Variants in AFDN observed in about 807,000 individuals in gnomAD.
The protein encoded by AFDN is afadin.
Under a neutral mutation model 216.6 loss-of-function variants are expected in AFDN, and 68 were observed. That is an observed-to-expected ratio of 0.31 (90% CI 0.26 to 0.38). The LOEUF (loss-of-function observed/expected upper bound fraction) is 0.38. Among genes scored for constraint, AFDN ranks in the 10% least tolerant of loss-of-function variants. AFDN has a pLI of 1.00. For missense variants in AFDN, 2,136 were observed against 2,342.0 expected, an observed-to-expected ratio of 0.91 and a Z score of 1.82; for synonymous variants, 868 against 853.7, an observed-to-expected ratio of 1.02 and a Z score of -0.29.
intron 1 of AFDN, among the ~76,000 whole-genome samples, chr6:167,862,120 A>G (rs1159305509): frequency 6.6e-6 from 1 of 152,150 alleles, no homozygotes; most frequent in East Asian, 1.9e-4. Flanking sequence ...ATTTGTATAG[A>G]AATTTTTGTT....
chr6:167,919,014 A>G (rs926340767), intron 21 of AFDN, 81 bp downstream of exon 21: 13 of 1,259,448 alleles, frequency 1.0e-5, no homozygotes, highest in African/African-American at 1.5e-5. Context: ...CTCATAGGGT[A>G]GTCCACTTGT....
chr6:167,920,698 C>T (rs934411612), intron 21 of AFDN, among the ~76,000 whole-genome samples: 1 of 152,190 alleles, frequency 6.6e-6, no homozygotes, highest in Non-Finnish European at 1.5e-5. Context: ...AGCCTTACTT[C>T]TTCACCTTGA....
intron 3 of AFDN, among the ~76,000 whole-genome samples, chr6:167,871,903 C>A (rs1784840687): frequency 6.6e-6 from 1 of 152,124 alleles, no homozygotes; most frequent in African/African-American, 2.4e-5. Context: ...ATCATTTCTC[C>A]CCCAGTTTTC....
intron 1 of AFDN, among the ~76,000 whole-genome samples, chr6:167,834,495 G>A (rs1220990080): frequency 9.8e-6 from 1 of 102,208 alleles, no homozygotes; most frequent in Non-Finnish European, 1.8e-5. Flanking sequence ...GGTATAAAAC[G>A]TGATAGATGG....
intron 23 of AFDN, among the ~76,000 whole-genome samples, chr6:167,930,708 C>G (rs1231461909): frequency 6.6e-6 from 1 of 152,190 alleles, no homozygotes; most frequent in Admixed American, 6.5e-5. Flanking sequence ...CTGAGTAGTT[C>G]TGCTATCATG....
At chr6:167,850,926 A>G (rs995358951) in intron 1 of AFDN, among the ~76,000 whole-genome samples, 4 of 151,994 alleles carry the variant, frequency 2.6e-5, no homozygotes, top group African/African-American at 9.7e-5. Context: ...TGTTGCCCAT[A>G]GCTGGAGCCG....
chr6:167,911,686 C>T (rs1790416745), intron 15 of AFDN, 197 bp downstream of exon 15: 3 of 578,400 alleles, frequency 5.2e-6, no homozygotes, highest in Admixed American at 3.0e-5. Context: ...TTTGTTTTCC[C>T]TGTAAAACTT....
intron 1 of AFDN, among the ~76,000 whole-genome samples, chr6:167,851,490 A>G (rs992610873): frequency 6.6e-6 from 1 of 152,138 alleles, no homozygotes; most frequent in African/African-American, 2.4e-5. Flanking sequence ...CCACCTTTTC[A>G]ACTAGTTCTT....
intron 22 of AFDN, among the ~76,000 whole-genome samples, chr6:167,923,391 T>A (rs1255868249): frequency 6.6e-6 from 1 of 152,150 alleles, no homozygotes; most frequent in Non-Finnish European, 1.5e-5. Context: ...TCCCAAAATT[T>A]CCCAGTTTCA....
At chr6:167,954,842 A>T (rs1006541377) in intron 30 of AFDN, among the ~76,000 whole-genome samples, 1 of 152,196 alleles carries the variant, frequency 6.6e-6, no homozygotes, top group Non-Finnish European at 1.5e-5. Context: ...CATTAGACAT[A>T]GATTTTAAAT....
rs138071478 is a variant in AFDN, at chr6:167,843,078, C to A, written c.105+15841C>A. Reference sequence around the variant, plus strand: ...TGAATCCTGGAGTTTCAGTAGGAATCAAGTGCACTTGGGTAGCTGACAAAG... The same window carrying A: ...TGAATCCTGGAGTTTCAGTAGGAATAAAGTGCACTTGGGTAGCTGACAAAG... On this transcript the variant is annotated intron_variant, in intron 1 of 33. Coordinates refer to ENST00000683244, the MANE Select transcript of AFDN (RefSeq NM_001386888.1). 1.3e-3 allele frequency among the ~76,000 whole-genome samples: 203 copies of A among 152,308 alleles called. 1 individual carries two copies. Among genetic ancestry groups the A allele is most frequent in the African/African-American group, 4.5e-3 (189 of 41,556 alleles).
At chr6:167,912,993 A>G (rs553008858) in intron 15 of AFDN, among the ~76,000 whole-genome samples, 1 of 152,062 alleles carries the variant, frequency 6.6e-6, no homozygotes, top group South Asian at 2.1e-4. Flanking sequence ...ATTCCTATTA[A>G]TTAATCTAGA....
Position 167,966,208 on chromosome 6 carries a change from A to G in AFDN, c.5257+163A>G, listed in dbSNP as rs868767698. 7.8e-6 allele frequency: 12 copies of G among 1,533,338 alleles called. No homozygotes were observed. The African/African-American group carries it at 1.6e-4, about 21-fold the overall frequency. The allele number at this position is 1,533,338 out of a possible 1,614,324, so 95.0% of individuals were successfully genotyped here. On this transcript the variant is annotated intron_variant, in intron 32 of 33. Transcript: ENST00000683244. ...GCCAAAGCCAACAGTACTGCTCACA[A>G]AAAAGGCCAGCCCCTGCCCCCTCCA... is the stretch of plus-strand genomic sequence containing the variant.
Position 167,856,868 on chromosome 6 carries a change from G to A in AFDN, c.106-7683G>A, listed in dbSNP as rs138673384. On this transcript the variant is annotated intron_variant, in intron 1 of 33. Coordinates refer to ENST00000683244, the MANE Select transcript of AFDN (RefSeq NM_001386888.1). ...GCCTGTTTTATGTTTGAGGGAAATT[G>A]GGTGCATAAAAAGGACTATTTTTGA... 1.1e-3 allele frequency among the ~76,000 whole-genome samples: 168 copies of A among 152,098 alleles called. 2 individuals are homozygous for A. The highest frequency in any genetic ancestry group is 4.0e-3 in the African/African-American group (167 of 41,510).
chr6:167,945,149 A>G (rs778846922), intron 26 of AFDN, among the ~76,000 whole-genome samples: 5 of 147,546 alleles, frequency 3.4e-5, no homozygotes, highest in Non-Finnish European at 7.4e-5. Flanking sequence ...TGCTTATTCC[A>G]TAAGTGATTT....
intron 1 of AFDN, among the ~76,000 whole-genome samples, chr6:167,830,933 CTTTTTTTTTTTTTT>C (rs71681602): frequency 1.3e-5 from 1 of 79,320 alleles, no homozygotes; most frequent in Admixed American, 2.0e-4. Context: ...ATATTTGAAA[CTTTTTTTTTTTTTT>C]TTTTTTTTTT....
At chr6:167,876,192 A>C (rs548541439) in intron 5 of AFDN, among the ~76,000 whole-genome samples, 1 of 152,240 alleles carries the variant, frequency 6.6e-6, no homozygotes, top group African/African-American at 2.4e-5. Flanking sequence ...TCTGGGGGGA[A>C]CGTTGGCCCA....
intron 26 of AFDN, 59 bp from the exon 27 acceptor site, chr6:167,946,648 T>A (rs1795296844): frequency 1.4e-6 from 2 of 1,422,464 alleles, no homozygotes; most frequent in South Asian, 2.4e-5. Context: ...GGAATTTTAA[T>A]GATAATCAGG....
chr6:167,967,457 G>A (rs1386855561), intron 32 of AFDN, among the ~76,000 whole-genome samples: 1 of 152,156 alleles, frequency 6.6e-6, no homozygotes, highest in Non-Finnish European at 1.5e-5. Context: ...AATATCTGTT[G>A]TAAGTATCTA....
Sources: allele counts gnomAD v4.1 joint callset (sites outside exome capture counted in the v4.1 genomes callset), GRCh38; gene constraint gnomAD v4.1.1; transcripts MANE v1.5; gene names NCBI Gene and HGNC (gene_info 2026-07-23, HGNC 2026-07-21).